EPHA2: variants seen among roughly 807,000 people sequenced by gnomAD.
The protein encoded by EPHA2 is ephrin type-A receptor 2.
EPHA2 carries 54 observed loss-of-function variants against 104.9 expected under a neutral mutation model. The ratio of observed to expected loss-of-function variants is 0.51; its 90% CI spans 0.41 to 0.65. EPHA2 has a LOEUF of 0.65. Among genes scored for constraint, EPHA2 ranks in the 30% least tolerant of loss-of-function variants. The pLI is 0.00. For missense variants in EPHA2, 1,117 were observed against 1,369.5 expected (o/e 0.82, Z 2.91); for synonymous variants, 560 against 559.1 (o/e 1.00, Z -0.02).
chr1:16,134,336 G>C lies in EPHA2; in HGVS notation c.1682+132C>G. 1 of 1,035,706 alleles carries C rather than the reference G, an allele frequency of 9.7e-7. No individual in the cohort carries two copies. The highest frequency in any genetic ancestry group is 1.5e-6 in the Non-Finnish European group (1 of 677,626). 64.2% of individuals were successfully genotyped at this position (1,035,706 alleles called of 1,614,324 possible). ...TACACACTCTAACTCGTATATCCTCGCACCATCCGGAGGCAGGGATTAGAC... is the reference window on the plus strand; with the variant it reads ...TACACACTCTAACTCGTATATCCTCCCACCATCCGGAGGCAGGGATTAGAC... On this transcript the variant is annotated intron_variant, in intron 8 of 16. Coordinates refer to ENST00000358432, the MANE Select transcript of EPHA2 (RefSeq NM_004431.5). The surrounding 1 kb of genome is among the most constrained non-coding windows in gnomAD (Gnocchi z 4.5).
At position 16,156,006 on chromosome 1, in the gene EPHA2, C is replaced by A. The variant is rs915661144; in HGVS notation, c.-74G>T. 1 of 1,297,348 alleles carries A rather than the reference C, an allele frequency of 7.7e-7. No individual in the cohort carries two copies. 80.4% of individuals were successfully genotyped at this position (1,297,348 alleles called of 1,614,324 possible). On this transcript the variant is annotated 5_prime_UTR_variant, in exon 1 of 17. Coordinates refer to ENST00000358432, the MANE Select transcript of EPHA2 (RefSeq NM_004431.5). ...CACCCGCACGCCTGCACGCCGGCCT[C>A]GGTGTCCGCTCCCGCCCGCCGGCCT...
chr1:16,155,760 G>C (rs779342760), intron 1 of EPHA2, 88 bp downstream of exon 1: 1 of 1,092,404 alleles, frequency 9.2e-7, no homozygotes, highest in Non-Finnish European at 1.2e-6. Context: ...CACCAGGTAG[G>C]TTCCAAAGTT....
In EPHA2 at chr1:16,134,763, T is replaced by A. The variant is rs145362051; in HGVS notation, c.1583-196A>T. On this transcript the variant is annotated intron_variant, in intron 7 of 16. Transcript: ENST00000358432. This position sits in a 1 kb window ranked among gnomAD's most constrained non-coding sequence, Gnocchi z 4.5. ...AAGGTCTCACGGGAGGTATTGCAGGTATGTGGGGCTCAAAGCTCTGGCTTT... is the reference window on the plus strand; with the variant it reads ...AAGGTCTCACGGGAGGTATTGCAGGAATGTGGGGCTCAAAGCTCTGGCTTT... Among the ~76,000 whole-genome samples, 68 of 152,186 alleles carry A rather than the reference T, an allele frequency of 4.5e-4. No homozygotes were observed. The highest frequency in any genetic ancestry group is 1.6e-3 in the African/African-American group (66 of 41,522).
At chr1:16,143,677 T>C (rs763797224) in intron 3 of EPHA2, among the ~76,000 whole-genome samples, 5 of 152,078 alleles carry the variant, frequency 3.3e-5, no homozygotes, top group Non-Finnish European at 5.9e-5. Flanking sequence ...AGGCTGGCAA[T>C]GGCAAGGTTG....
Position 16,135,874 on chromosome 1 carries a change from T to C in EPHA2, c.1313-104A>G. Reference sequence around the variant, plus strand: ...GGAGCCACATCCTCCACAGCCCAGATTCTTTCATTTTTTTGAGACAGGATC... The same window carrying C: ...GGAGCCACATCCTCCACAGCCCAGACTCTTTCATTTTTTTGAGACAGGATC... On this transcript the variant is annotated intron_variant, in intron 5 of 16. Coordinates refer to ENST00000358432, the MANE Select transcript of EPHA2 (RefSeq NM_004431.5). This position sits in a 1 kb window ranked among gnomAD's most constrained non-coding sequence, Gnocchi z 4.3. 1.5e-6 allele frequency: 1 copy of C among 657,094 alleles called. No homozygotes were observed. Among genetic ancestry groups the C allele is most frequent in the South Asian group, 1.7e-5 (1 of 60,156 alleles). The allele number at this position is 657,094 out of a possible 1,614,324, so 40.7% of individuals were successfully genotyped here.
chr1:16,140,871 G>A (rs2024811757), intron 3 of EPHA2, among the ~76,000 whole-genome samples: 1 of 152,240 alleles, frequency 6.6e-6, no homozygotes, highest in African/African-American at 2.4e-5. Context: ...AAAGTGCTGG[G>A]ATTACAGGCG....
Position 16,135,761 on chromosome 1 carries a change from T to C in EPHA2, c.1322A>G (p.Lys441Arg), listed in dbSNP as rs760138007. The C allele has an allele frequency of 4.7e-5, 76 of 1,611,046 alleles. No individual in the cohort carries two copies. Among genetic ancestry groups the C allele is most frequent in the Non-Finnish European group, 6.2e-5 (73 of 1,178,430 alleles). The change falls in exon 6 of 17, where the codon AAG becomes AGG. Residue 441 changes from lysine (K) to arginine (R), a missense_variant. Physicochemically the swap from Lys to Arg is conservative, Grantham distance 26 (BLOSUM62 2). This residue lies in a region of EPHA2 where 664 missense variants were observed against 784.8 expected (regional missense o/e 0.85). Transcript: ENST00000358432. The surrounding 1 kb of genome is among the most constrained non-coding windows in gnomAD (Gnocchi z 4.3). ...SVSINQTEPP[K>R]VRLEGRSTTS... ...GGTGCTGCGGCCCTCCAGCCTCACC[T>C]TGGGGGGCTCTGGGCAGGACAGGCA...
intron 10 of EPHA2, 28 bp from the exon 11 acceptor site, chr1:16,133,396 C>A (rs1255493266): frequency 6.2e-7 from 1 of 1,613,822 alleles, no homozygotes; most frequent in Admixed American, 1.7e-5. Flanking sequence ...CAGGGGAGTG[C>A]CCTGGTCAGC....
At chr1:16,143,029 G>GGATGGA (rs2024855320) in intron 3 of EPHA2, among the ~76,000 whole-genome samples, 1 of 105,676 alleles carries the variant, frequency 9.5e-6, no homozygotes, top group Non-Finnish European at 2.0e-5. Flanking sequence ...GGATAGGTGG[G>GGATGGA]TGGTTGGGTG....
chr1:16,129,793 C>T (rs895585216), intron 15 of EPHA2, among the ~76,000 whole-genome samples: 2 of 152,150 alleles, frequency 1.3e-5, no homozygotes, highest in South Asian at 4.1e-4. Flanking sequence ...ACTACTGCTG[C>T]CCCTCCACTC....
In EPHA2 at chr1:16,130,340, T is replaced by C; in HGVS notation, c.2555A>G (p.Gln852Arg). 1.9e-6 allele frequency: 3 copies of C among 1,597,204 alleles called. No homozygotes were observed. Among genetic ancestry groups the C allele is most frequent in the South Asian group, 2.2e-5 (2 of 89,340 alleles). The part of the protein sequence containing the change: ...CPSAIYQLMM[Q>R]CWQQERARRP... Reference sequence around the variant, plus strand: ...GCGGGCACGCTCCTGCTGCCAGCACTGCATCATGAGCTGGTAGATGGCGGA... The same window carrying C: ...GCGGGCACGCTCCTGCTGCCAGCACCGCATCATGAGCTGGTAGATGGCGGA... The change falls in exon 15 of 17, where the codon CAG becomes CGG. Residue 852 changes from glutamine to arginine, a missense_variant. Gln to Arg is a conservative substitution (Grantham distance 43). Coordinates refer to ENST00000358432, the MANE Select transcript of EPHA2 (RefSeq NM_004431.5). The surrounding 1 kb of genome is among the most constrained non-coding windows in gnomAD (Gnocchi z 4.5).
intron 1 of EPHA2, among the ~76,000 whole-genome samples, chr1:16,154,312 T>A (rs527705864): frequency 1.3e-5 from 2 of 152,200 alleles, no homozygotes; most frequent in Non-Finnish European, 2.9e-5. Flanking sequence ...AAGTCCCGGT[T>A]GAGACCCCAA....
chr1:16,141,320 G>A (rs1012900783), intron 3 of EPHA2, among the ~76,000 whole-genome samples: 2 of 152,132 alleles, frequency 1.3e-5, no homozygotes, highest in African/African-American at 2.4e-5. Context: ...TTCAAGCCCC[G>A]AATGTCTTCA....
At position 16,138,176 on chromosome 1, in the gene EPHA2, G is replaced by GA. The variant is rs757313469; in HGVS notation, c.988dup (p.Ser330PhefsTer51). Reference sequence around the variant, plus strand: ...CACGGCTGTGAGGTAGTGTGGGGCGGAGGGGGGTCCTGCACAGACAGGAGG... The same window carrying GA: ...CACGGCTGTGAGGTAGTGTGGGGCGGAAGGGGGGTCCTGCACAGACAGGAGG... On this transcript the variant is annotated frameshift_variant, in exon 5 of 17. Coordinates refer to ENST00000358432, the MANE Select transcript of EPHA2 (RefSeq NM_004431.5). LOFTEE classifies it high-confidence loss of function. 24 of 1,609,636 alleles carry GA rather than the reference G, an allele frequency of 1.5e-5. No homozygotes were observed. Among genetic ancestry groups the GA allele is most frequent in the Admixed American group, 1.7e-5 (1 of 59,964 alleles).
At position 16,134,931 on chromosome 1, in the gene EPHA2, G is replaced by C. The variant is rs1363795996; in HGVS notation, c.1582+105C>G. 1 of 1,552,040 alleles carries C rather than the reference G, an allele frequency of 6.4e-7. No individual in the cohort carries two copies. Among genetic ancestry groups the C allele is most frequent in the Admixed American group, 1.7e-5 (1 of 57,830 alleles). ...GCTGTCCCAGGCCGCCGGTGACCGAGAAAGGGGCATTTCTAAGTTATTTGA... is the reference window on the plus strand; with the variant it reads ...GCTGTCCCAGGCCGCCGGTGACCGACAAAGGGGCATTTCTAAGTTATTTGA... On this transcript the variant is annotated intron_variant, in intron 7 of 16. Transcript: ENST00000358432. The surrounding 1 kb of genome is among the most constrained non-coding windows in gnomAD (Gnocchi z 4.5).
intron 5 of EPHA2, among the ~76,000 whole-genome samples, chr1:16,136,800 T>G (rs1373436243): frequency 6.8e-6 from 1 of 147,526 alleles, no homozygotes; most frequent in Non-Finnish European, 1.5e-5. Flanking sequence ...ATGCTTTCTT[T>G]TTTTTTTTTT....
chr1:16,148,477 C>T lies in EPHA2; in HGVS notation c.724G>A (p.Glu242Lys), dbSNP rs764494279. The stretch of plus-strand genomic sequence containing the variant: ...TCCACTGCACAGTGCATACGGGGCT[C>T]TTCACCCCCCGGTGGCACCACGGCA... ...DHAVVPPGGE[E>K]PRMHCAVDGE... Residue 242 changes from glutamate (E) to lysine (K), a missense_variant, in exon 3 of 17, where the codon GAG becomes AAG. Glu to Lys is a moderately conservative substitution (Grantham distance 56). Transcript: ENST00000358432. The surrounding 1 kb of genome is among the most constrained non-coding windows in gnomAD (Gnocchi z 4.9). 1.2e-6 allele frequency: 2 copies of T among 1,613,886 alleles called. No homozygotes were observed. The highest frequency in any genetic ancestry group is 2.2e-5 in the East Asian group (1 of 44,892).
In EPHA2 at chr1:16,150,833, C is replaced by T. The variant is rs2025019999; in HGVS notation, c.153+63G>A. The T allele has an allele frequency of 8.2e-6, 13 of 1,584,338 alleles. No individual in the cohort carries two copies. The South Asian group carries it at 1.3e-4, about 16-fold the overall frequency. On this transcript the variant is annotated intron_variant, in intron 2 of 16. Coordinates refer to ENST00000358432, the MANE Select transcript of EPHA2 (RefSeq NM_004431.5). The surrounding 1 kb of genome is among the most constrained non-coding windows in gnomAD (Gnocchi z 4.8). ...CACGCTCCCTGGGCCTCAGTTTCTC[C>T]ATCTCTACAGGGGACCAGCAGCCCC...
chr1:16,137,036 G>A (rs1362347508), intron 5 of EPHA2, among the ~76,000 whole-genome samples: 1 of 152,004 alleles, frequency 6.6e-6, no homozygotes, highest in African/African-American at 2.4e-5. Context: ...TCGACCTCAG[G>A]TGATCTGCCC....
Sources: allele counts gnomAD v4.1 joint callset (sites outside exome capture counted in the v4.1 genomes callset), GRCh38; gene constraint gnomAD v4.1.1; regional missense constraint gnomAD v4.1.1; non-coding constraint Gnocchi (gnomAD v3.1); transcripts MANE v1.5; gene names NCBI Gene and HGNC (gene_info 2026-07-23, HGNC 2026-07-21).